The following LMBRD1 variants were observed in gnomAD, a reference collection of about 807,000 sequenced individuals.
The protein encoded by LMBRD1 is lysosomal cobalamin transport escort protein LMBD1.
Under a neutral mutation model 74.8 loss-of-function variants are expected in LMBRD1, and 64 were observed. The ratio of observed to expected loss-of-function variants is 0.86; its 90% confidence interval spans 0.70 to 1.05. The LOEUF is 1.05. Among genes scored for constraint, LMBRD1 ranks in the 50% least tolerant of loss-of-function variants. LMBRD1 has a pLI of 0.00. For missense variants in LMBRD1, 652 were observed against 645.9 expected (o/e 1.01, Z -0.10); for synonymous variants, 204 against 216.3 (o/e 0.94, Z 0.50).
intron 5 of LMBRD1, among the ~76,000 whole-genome samples, chr6:69,747,316 G>A (rs1319106682): frequency 1.3e-5 from 2 of 152,054 alleles, no homozygotes; most frequent in Non-Finnish European, 2.9e-5. Context: ...CAAGAAGGTG[G>A]CCTTCTATAA....
chr6:69,716,784 T>A (rs1337046712), intron 8 of LMBRD1, among the ~76,000 whole-genome samples: 1 of 151,902 alleles, frequency 6.6e-6, no homozygotes, highest in Non-Finnish European at 1.5e-5. Context: ...CCATAAACAT[T>A]CTTACATACC....
chr6:69,725,339 TCACACACACA>T (rs111747887), intron 7 of LMBRD1, among the ~76,000 whole-genome samples: 2,819 of 148,054 alleles, frequency 0.019, 54 homozygotes, highest in African/African-American at 0.057. Flanking sequence ...ATGACAATCT[TCACACACACA>T]CACACACACA....
At chr6:69,712,440 GT>G (rs34463374) in intron 9 of LMBRD1, among the ~76,000 whole-genome samples, 12,422 of 109,372 alleles carry the variant, frequency 0.11, 657 homozygotes, top group Admixed American at 0.2. Flanking sequence ...GAGTTCCTAT[GT>G]TTTTTTTTTT....
chr6:69,702,431 A>G (rs541495603), intron 9 of LMBRD1, among the ~76,000 whole-genome samples: 1 of 152,052 alleles, frequency 6.6e-6, no homozygotes, highest in Admixed American at 6.6e-5. Flanking sequence ...ATTACAATCC[A>G]TAAAAGCCTA....
At chr6:69,764,785 T>C (rs191379444) in intron 3 of LMBRD1, among the ~76,000 whole-genome samples, 4 of 152,298 alleles carry the variant, frequency 2.6e-5, no homozygotes, top group Admixed American at 1.3e-4. Context: ...TTTGTTTTAA[T>C]TGTGTCTTTT....
At chr6:69,721,160 G>A (rs1236288626) in intron 7 of LMBRD1, among the ~76,000 whole-genome samples, 1 of 152,128 alleles carries the variant, frequency 6.6e-6, no homozygotes, top group Non-Finnish European at 1.5e-5. Context: ...AACTCAAAAG[G>A]CAGTCTAGGA....
At chr6:69,781,147 A>G (rs951347726) in intron 2 of LMBRD1, among the ~76,000 whole-genome samples, 1 of 152,134 alleles carries the variant, frequency 6.6e-6, no homozygotes, top group Admixed American at 6.6e-5. Flanking sequence ...TTTTTTAAAA[A>G]CCTACAGGAA....
chr6:69,771,869 T>C (rs1271292673), intron 3 of LMBRD1, among the ~76,000 whole-genome samples: 2 of 132,576 alleles, frequency 1.5e-5, no homozygotes, highest in Non-Finnish European at 3.5e-5. Flanking sequence ...GACAGGATTA[T>C]AGCTAGAAAA....
intron 3 of LMBRD1, among the ~76,000 whole-genome samples, chr6:69,770,971 T>C (rs1306814168): frequency 5.9e-5 from 9 of 152,052 alleles, no homozygotes; most frequent in African/African-American, 1.7e-4. Context: ...AAAGGGAACA[T>C]AAAGCAAAGG....
chr6:69,684,691 G>A (rs1033941095), intron 14 of LMBRD1, among the ~76,000 whole-genome samples: 1 of 151,936 alleles, frequency 6.6e-6, no homozygotes, highest in Non-Finnish European at 1.5e-5. Flanking sequence ...ACAATGCATC[G>A]GAAGTCTAAT....
At chr6:69,696,501 C>A (rs1766000008) in intron 14 of LMBRD1, among the ~76,000 whole-genome samples, 1 of 152,138 alleles carries the variant, frequency 6.6e-6, no homozygotes, top group African/African-American at 2.4e-5. Flanking sequence ...CTGCCTTCCT[C>A]CCTCCAACCC....
intron 5 of LMBRD1, among the ~76,000 whole-genome samples, chr6:69,748,710 C>A (rs1016350796): frequency 6.6e-6 from 1 of 151,820 alleles, no homozygotes; most frequent in African/African-American, 2.4e-5. Flanking sequence ...CTATTTTTAA[C>A]AAAGATAAAT....
chr6:69,733,334 C>T (rs1766903390), intron 7 of LMBRD1, among the ~76,000 whole-genome samples: 1 of 152,172 alleles, frequency 6.6e-6, no homozygotes, highest in Non-Finnish European at 1.5e-5. Flanking sequence ...GTCCAGTTCT[C>T]AACCTTTTCC....
intron 7 of LMBRD1, among the ~76,000 whole-genome samples, chr6:69,722,531 A>G (rs1766639164): frequency 1.3e-5 from 2 of 152,106 alleles, no homozygotes; most frequent in South Asian, 4.1e-4. Context: ...CAAAAAGTTT[A>G]AAAGCAGGAG....
At chr6:69,692,303 C>T (rs985031247) in intron 14 of LMBRD1, among the ~76,000 whole-genome samples, 1 of 143,176 alleles carries the variant, frequency 7.0e-6, no homozygotes, top group African/African-American at 2.5e-5. Context: ...TCTCTCTCTA[C>T]ATATATACAG....
intron 14 of LMBRD1, among the ~76,000 whole-genome samples, chr6:69,692,033 C>A (rs1439181586): frequency 6.6e-6 from 1 of 151,960 alleles, no homozygotes; most frequent in Non-Finnish European, 1.5e-5. Flanking sequence ...TTTACTTATT[C>A]TTTCTTACAT....
intron 4 of LMBRD1, among the ~76,000 whole-genome samples, 192 bp from the exon 5 acceptor site, chr6:69,749,600 G>A (rs1765075327): frequency 6.6e-6 from 1 of 151,560 alleles, no homozygotes; most frequent in Non-Finnish European, 1.5e-5. Context: ...CAAAACATGA[G>A]ATTTTTTAAA....
rs1765535333 is a variant in LMBRD1 at position 69,675,984 on chromosome 6, T to C, written c.*174A>G. 1.6e-6 allele frequency: 1 copy of C among 609,826 alleles called. No homozygotes were observed. The highest frequency in any genetic ancestry group is 1.9e-5 in the African/African-American group (1 of 53,914). The allele number at this position is 609,826 out of a possible 1,614,324, so 37.8% of individuals were successfully genotyped here. ...AGCATGATTATGGTAATTTAAAATG[T>C]TAATCTATGATACAATGTTACTTCA... On this transcript the variant is annotated 3_prime_UTR_variant, in exon 16 of 16. Transcript: ENST00000649934.
intron 7 of LMBRD1, among the ~76,000 whole-genome samples, chr6:69,729,097 GTTAACT>G (rs1048016920): frequency 2.0e-5 from 3 of 151,318 alleles, no homozygotes; most frequent in Admixed American, 6.6e-5. Flanking sequence ...CTACCAACTT[GTTAACT>G]TTATCTCATG....
Sources: allele counts gnomAD v4.1 joint callset (sites outside exome capture counted in the v4.1 genomes callset), GRCh38; gene constraint gnomAD v4.1.1; transcripts MANE v1.5; gene names NCBI Gene and HGNC (gene_info 2026-07-23, HGNC 2026-07-21).